The following CTNNA3 variants were observed in gnomAD, a reference collection of about 807,000 sequenced individuals.
CTNNA3 encodes the protein catenin alpha-3.
CTNNA3 carries 76 observed loss-of-function variants against 95.7 expected under a neutral mutation model. The observed-to-expected ratio is 0.79, with a 90% CI of 0.66 to 0.96. The LOEUF (loss-of-function observed/expected upper bound fraction) is 0.96, where lower values mean the gene tolerates loss of function less well. Ranked by LOEUF, CTNNA3 falls within the 40% of genes least tolerant of loss-of-function variation. The probability of loss-of-function intolerance (pLI) is 0.00; values close to 1 mark genes in which losing one functional copy is unlikely to be tolerated. For synonymous variants in CTNNA3, 431 were observed against 374.4 expected (o/e 1.15, Z -1.74); for missense variants, 1,191 against 1,089.8 (o/e 1.09, Z -1.31).
chr10:67,085,578 A>C (rs1857261047), intron 7 of CTNNA3, among the ~76,000 whole-genome samples: 1 of 152,018 alleles, frequency 6.6e-6, no homozygotes, highest in Non-Finnish European at 1.5e-5. Context: ...ATTTTATTGC[A>C]TAAGAGCTGT....
At chr10:66,019,758 G>C (rs2133419833) in intron 15 of CTNNA3, among the ~76,000 whole-genome samples, 1 of 152,220 alleles carries the variant, frequency 6.6e-6, no homozygotes, top group South Asian at 2.1e-4. Flanking sequence ...GCTTAGTGTA[G>C]TTTGATGTTC....
At chr10:66,361,138 GT>G (rs1189064162) in intron 12 of CTNNA3, among the ~76,000 whole-genome samples, 4 of 147,482 alleles carry the variant, frequency 2.7e-5, no homozygotes, top group East Asian at 2.0e-4. Context: ...TGAATTTTTT[GT>G]TTTTTTTTTA....
intron 9 of CTNNA3, among the ~76,000 whole-genome samples, chr10:66,737,964 G>A (rs1475096293): frequency 6.6e-6 from 1 of 152,100 alleles, no homozygotes; most frequent in African/African-American, 2.4e-5. Flanking sequence ...GCCAAAATTT[G>A]TGCTTTTAAG....
At chr10:66,702,404 CAG>C (rs1847974413) in intron 9 of CTNNA3, among the ~76,000 whole-genome samples, 1 of 151,938 alleles carries the variant, frequency 6.6e-6, no homozygotes, top group South Asian at 2.1e-4. Context: ...ATGTTTCCTT[CAG>C]AGTCATCTTG....
At chr10:65,978,068 C>CT (rs900969537) in intron 16 of CTNNA3, among the ~76,000 whole-genome samples, 46 of 150,964 alleles carry the variant, frequency 3.0e-4, no homozygotes, top group Middle Eastern at 3.4e-3. Context: ...CTTTTAATGC[C>CT]TTTTTTTTTC....
At position 66,780,019 on chromosome 10, in the gene CTNNA3, G is replaced by A. The variant is rs187987728; in HGVS notation, c.1048-4495C>T. On this transcript the variant is annotated intron_variant, in intron 7 of 17. Transcript: ENST00000433211. The stretch of plus-strand genomic sequence containing the variant: ...GAGTAGGTAACAATTGAGTATTACA[G>A]GATATATAAAAGTCAGCCAGGTGAA... 2.6e-5 allele frequency among the ~76,000 whole-genome samples: 4 copies of A among 152,154 alleles called. No individual in the cohort carries two copies. In the East Asian group the frequency reaches 5.8e-4, roughly 22 times the overall value.
chr10:66,725,659 A>G (rs1328818227), intron 9 of CTNNA3, among the ~76,000 whole-genome samples: 1 of 152,086 alleles, frequency 6.6e-6, no homozygotes, highest in Non-Finnish European at 1.5e-5. Context: ...ACAGTTGTTC[A>G]CCATGGCAGA....
chr10:66,674,872 G>A (rs907213062), intron 9 of CTNNA3, among the ~76,000 whole-genome samples: 2 of 151,972 alleles, frequency 1.3e-5, no homozygotes, highest in African/African-American at 4.8e-5. Flanking sequence ...TGCATATGCT[G>A]GAAATGAACC....
At position 65,930,199 on chromosome 10, in the gene CTNNA3, T is replaced by TAAAA. The variant is rs71472402; in HGVS notation, c.2401-9586_2401-9583dup. On this transcript the variant is annotated intron_variant, in intron 17 of 17. Transcript: ENST00000433211. Reference sequence around the variant, plus strand: ...GGTGAGTGTATCAGTCAGAGCTCAGTAAAAAAAAAAAAAAAAAAAAAAAAA... The same window carrying TAAAA: ...GGTGAGTGTATCAGTCAGAGCTCAGTAAAAAAAAAAAAAAAAAAAAAAAAAAAAA... Among the ~76,000 whole-genome samples the TAAAA allele has an allele frequency of 5.1e-3, 312 of 60,728 alleles. 9 individuals carry two copies. Among genetic ancestry groups the TAAAA allele is most frequent in the Non-Finnish European group, 8.0e-3 (248 of 31,136 alleles). 39.8% of individuals were successfully genotyped at this position (60,728 alleles called of 152,430 possible).
intron 17 of CTNNA3, among the ~76,000 whole-genome samples, chr10:65,931,625 T>C (rs750803601): frequency 1.3e-4 from 20 of 152,320 alleles, no homozygotes; most frequent in Non-Finnish European, 2.4e-4. Context: ...ACTCTGTACC[T>C]AAGTGAATAT....
intron 5 of CTNNA3, among the ~76,000 whole-genome samples, chr10:67,220,506 AG>A (rs1430461826): frequency 6.6e-6 from 1 of 152,212 alleles, no homozygotes; most frequent in African/African-American, 2.4e-5. Context: ...AAGGGCCTAC[AG>A]ACAAACAATG....
rs995597631 is a variant in CTNNA3, at chr10:66,926,706, G to A, written c.1048-151182C>T. On this transcript the variant is annotated intron_variant, in intron 7 of 17. Transcript: ENST00000433211. Reference sequence around the variant, plus strand: ...TTACCTTGCTCTGCTCTAAGACTATGAATTTATTTGCTTAGTGGCATGTTT... The same window carrying A: ...TTACCTTGCTCTGCTCTAAGACTATAAATTTATTTGCTTAGTGGCATGTTT... 12 of 1,217,792 alleles carry A rather than the reference G, an allele frequency of 9.9e-6. No homozygotes were observed. In the African/African-American group the frequency reaches 1.5e-4, roughly 16 times the overall value. 75.4% of individuals were successfully genotyped at this position (1,217,792 alleles called of 1,614,324 possible).
intron 9 of CTNNA3, among the ~76,000 whole-genome samples, chr10:66,698,263 T>C (rs1033060132): frequency 6.6e-6 from 1 of 152,204 alleles, no homozygotes; most frequent in Admixed American, 6.5e-5. Context: ...TGGTGAAGCA[T>C]TTTTCTTAGT....
chr10:66,798,225 A>C (rs972661839), intron 7 of CTNNA3, among the ~76,000 whole-genome samples: 1 of 151,816 alleles, frequency 6.6e-6, no homozygotes, highest in East Asian at 1.9e-4. Context: ...CTAAGTGTTT[A>C]CTAAAATACC....
chr10:66,395,643 T>G (rs924809664), intron 11 of CTNNA3, among the ~76,000 whole-genome samples: 15 of 152,016 alleles, frequency 9.9e-5, no homozygotes, highest in African/African-American at 3.4e-4. Flanking sequence ...ATGAAGTTTC[T>G]CCATGAACCT....
At chr10:66,574,289 G>A (rs974983561) in intron 10 of CTNNA3, among the ~76,000 whole-genome samples, 15 of 151,890 alleles carry the variant, frequency 9.9e-5, no homozygotes, top group Admixed American at 7.9e-4. Flanking sequence ...CAAGAAGAAA[G>A]CAATAATGTA....
In CTNNA3 at chr10:66,911,049, G is replaced by T. The variant is rs189495304; in HGVS notation, c.1048-135525C>A. On this transcript the variant is annotated intron_variant, in intron 7 of 17. Coordinates refer to ENST00000433211, the MANE Select transcript of CTNNA3 (RefSeq NM_013266.4). ...TTTTGTTTACCTTGTTACTTGAAGGGGAATAACTTTCTACTTAAAATATTA... is the reference window on the plus strand; with the variant it reads ...TTTTGTTTACCTTGTTACTTGAAGGTGAATAACTTTCTACTTAAAATATTA... Among the ~76,000 whole-genome samples the T allele has an allele frequency of 1.1e-4, 17 of 152,264 alleles. No homozygotes were observed. In the East Asian group the frequency reaches 2.7e-3, roughly 24 times the overall value.
chr10:67,341,275 G>A (rs1337692633), intron 5 of CTNNA3, among the ~76,000 whole-genome samples: 2 of 151,996 alleles, frequency 1.3e-5, no homozygotes, highest in Non-Finnish European at 2.9e-5. Flanking sequence ...TCAAATAGTA[G>A]GTCTTATTCA....
chr10:66,679,310 TAGC>T, intron 9 of CTNNA3, among the ~76,000 whole-genome samples: 1 of 152,300 alleles, frequency 6.6e-6, no homozygotes, highest in South Asian at 2.1e-4. Flanking sequence ...TTGAGGATAC[TAGC>T]TTCAGCAATT....
Sources: gnomAD v4.1 joint callset for allele counts (sites outside exome capture counted in the v4.1 genomes callset) on GRCh38, gnomAD v4.1.1 for gene constraint, MANE v1.5 for transcripts, NCBI Gene and HGNC (gene_info 2026-07-23, HGNC 2026-07-21) for gene names.